OR10J1: variants seen among roughly 807,000 people sequenced by gnomAD.
The protein encoded by OR10J1 is olfactory receptor family 10 subfamily J member 1, also known as olfactory receptor 10J1.
For missense variants in OR10J1, 474 were observed against 376.6 expected (o/e 1.26, Z -2.14); for synonymous variants, 202 against 143.8 (o/e 1.40, Z -2.89).
the OR10J1 span, among the ~76,000 whole-genome samples, chr1:159,429,072 T>C: frequency 1.3e-5 from 2 of 152,190 alleles, no homozygotes; most frequent in African/African-American, 4.8e-5. Flanking sequence ...GGTCAGTTGA[T>C]GGACTAAGTT....
At chr1:159,431,614 G>A in the OR10J1 span, among the ~76,000 whole-genome samples, 2 of 152,088 alleles carry the variant, frequency 1.3e-5, no homozygotes, top group Admixed American at 6.5e-5. Context: ...ACCAGTTAGG[G>A]GTCTCCAATA....
At chr1:159,435,314 C>A (rs1463754276), upstream of OR10J1, among the ~76,000 whole-genome samples, 1 of 152,186 alleles carries the variant, frequency 6.6e-6, no homozygotes, top group African/African-American at 2.4e-5. Context: ...CTCAGAGTCA[C>A]TGCAAGAAGT....
Position 159,440,015 on chromosome 1 carries a change from TGG to T in OR10J1, c.225_226del (p.Leu75PhefsTer36). The T allele has an allele frequency of 3.1e-6, 5 of 1,614,166 alleles. No homozygotes were observed. The highest frequency in any genetic ancestry group is 4.2e-6 in the Non-Finnish European group (5 of 1,180,036). The stretch of plus-strand genomic sequence containing the variant: ...TCCACTTCAGAGACTGTATATACAT[TGG>T]TCATTCTCCCAAGAATGCTCTCCAG... On this transcript the variant is annotated frameshift_variant, in exon 1 of 1. Transcript: ENST00000423932. LOFTEE classifies it low-confidence loss of function (END_TRUNC).
At chr1:159,412,300 C>T in the OR10J1 span, among the ~76,000 whole-genome samples, 1 of 150,320 alleles carries the variant, frequency 6.7e-6, no homozygotes, top group Non-Finnish European at 1.5e-5. Context: ...CCCCATCAAG[C>T]TACCAATGAC....
At chr1:159,430,640 G>GGT in the OR10J1 span, among the ~76,000 whole-genome samples, 629 of 140,918 alleles carry the variant, frequency 4.5e-3, 1 homozygote, top group Middle Eastern at 0.01. Flanking sequence ...AAAAAATTAT[G>GGT]GTGTGTGTGT....
At chr1:159,420,190 C>T in the OR10J1 span, among the ~76,000 whole-genome samples, 44 of 152,082 alleles carry the variant, frequency 2.9e-4, no homozygotes, top group South Asian at 9.1e-3. Context: ...TTTCTATTCC[C>T]TTACTTTCAG....
At chr1:159,413,067 G>T in the OR10J1 span, among the ~76,000 whole-genome samples, 52 of 152,322 alleles carry the variant, frequency 3.4e-4, no homozygotes, top group African/African-American at 1.0e-3. Flanking sequence ...CATTTATGCA[G>T]CCAGAAAAAC....
chr1:159,433,128 C>T (rs1295318767), upstream of OR10J1: 7 of 420,928 alleles, frequency 1.7e-5, no homozygotes, highest in Admixed American at 1.6e-4. Context: ...GGCAGAAAGC[C>T]TCTCTCTTAG....
At chr1:159,433,899 G>T (rs11265194), upstream of OR10J1, among the ~76,000 whole-genome samples, 95,410 of 151,852 alleles carry the variant, frequency 0.63, 30,535 homozygotes, top group Middle Eastern at 0.71. Context: ...AAGAAAGAAG[G>T]AAGGAAGGAA....
chr1:159,433,991 A>T (rs529984506), upstream of OR10J1, among the ~76,000 whole-genome samples: 3 of 152,312 alleles, frequency 2.0e-5, no homozygotes, highest in African/African-American at 2.4e-5. Context: ...TATTATTTTA[A>T]CACTTTCAGG....
At chr1:159,420,125 T>C in the OR10J1 span, among the ~76,000 whole-genome samples, 2 of 152,182 alleles carry the variant, frequency 1.3e-5, no homozygotes, top group East Asian at 1.9e-4. Flanking sequence ...TTTTGTCTGA[T>C]ATAAGTATAG....
rs1655893818 is a variant in OR10J1, at chr1:159,440,246, G to A, written c.455G>A (p.Gly152Glu). The change falls in exon 1 of 1, where the codon GGG (glycine) becomes GAG (glutamate). Residue 152 changes from glycine (G) to glutamate (E), a missense_variant. By Grantham distance (98) the Gly-to-Glu change is moderately conservative. Coordinates refer to ENST00000423932, the MANE Select transcript of OR10J1 (RefSeq NM_012351.3). Reference sequence around the variant, plus strand: ...CTTGTCCTGGGGGCCTGCAGCATTGGGCTGATTGTAGCAATAACGCAAGTG... The same window carrying A: ...CTTGTCCTGGGGGCCTGCAGCATTGAGCTGATTGTAGCAATAACGCAAGTG... ...IQLVLGACSI[G>E]LIVAITQVTS... The A allele has an allele frequency of 6.2e-7, 1 of 1,614,104 alleles. No homozygotes were observed. The highest frequency in any genetic ancestry group is 1.3e-5 in the African/African-American group (1 of 75,008).
the OR10J1 span, among the ~76,000 whole-genome samples, chr1:159,414,204 A>G: frequency 6.6e-6 from 1 of 152,060 alleles, no homozygotes; most frequent in Non-Finnish European, 1.5e-5. Context: ...TTCTAACTGT[A>G]TGTTTGTACC....
At chr1:159,405,927 C>A in the OR10J1 span, 1 of 510,956 alleles carries the variant, frequency 2.0e-6, no homozygotes, top group East Asian at 4.0e-5. Context: ...GGCCAATCCT[C>A]AGTGACCCAG....
chr1:159,418,542 C>T, the OR10J1 span, among the ~76,000 whole-genome samples: 1 of 152,204 alleles, frequency 6.6e-6, no homozygotes, highest in Non-Finnish European at 1.5e-5. Flanking sequence ...GCCTAGATTT[C>T]ACAGGATGTA....
At chr1:159,400,248 G>T in the OR10J1 span, among the ~76,000 whole-genome samples, 1 of 151,774 alleles carries the variant, frequency 6.6e-6, no homozygotes, top group Non-Finnish European at 1.5e-5. Flanking sequence ...CATTGAATGC[G>T]AATGGACTAA....
the OR10J1 span, among the ~76,000 whole-genome samples, chr1:159,426,073 A>C: frequency 6.6e-6 from 1 of 152,012 alleles, no homozygotes; most frequent in East Asian, 1.9e-4. Context: ...ATCTAACTGC[A>C]TAGTGTGCAT....
the OR10J1 span, chr1:159,432,509 CT>C: frequency 6.7e-6 from 3 of 448,486 alleles, no homozygotes; most frequent in Non-Finnish European, 4.0e-6. Context: ...CCGCTCAGCT[CT>C]TTTTCTATCT....
At chr1:159,413,491 A>G in the OR10J1 span, among the ~76,000 whole-genome samples, 4 of 152,174 alleles carry the variant, frequency 2.6e-5, no homozygotes, top group Admixed American at 2.6e-4. Flanking sequence ...CATATACACC[A>G]TGGAATACTA....
Sources: gnomAD v4.1 joint callset for allele counts (sites outside exome capture counted in the v4.1 genomes callset) on GRCh38, gnomAD v4.1.1 for gene constraint, MANE v1.5 for transcripts, NCBI Gene and HGNC (gene_info 2026-07-23, HGNC 2026-07-21) for gene names.